Variants in MXI1 observed in about 807,000 individuals in gnomAD.
The protein encoded by MXI1 is max-interacting protein 1.
Under a neutral mutation model 36.9 loss-of-function variants are expected in MXI1, and 18 were observed. The ratio of observed to expected loss-of-function variants is 0.49; its 90% CI spans 0.34 to 0.72. MXI1 has a LOEUF of 0.72. MXI1 is among the 30% of genes least tolerant of loss of function. MXI1 has a pLI of 0.01. For synonymous variants in MXI1, 160 were observed against 146.7 expected (o/e 1.09, Z -0.65); for missense variants, 304 against 379.1 (o/e 0.80, Z 1.64).
At chr10:110,258,998 A>G (rs1354271872) in intron 3 of MXI1, among the ~76,000 whole-genome samples, 1 of 152,106 alleles carries the variant, frequency 6.6e-6, no homozygotes, top group Non-Finnish European at 1.5e-5. Context: ...CAATTCTACA[A>G]CTGATGTGTG....
At chr10:110,212,834 A>C (rs1209032606) in intron 1 of MXI1, among the ~76,000 whole-genome samples, 1 of 152,250 alleles carries the variant, frequency 6.6e-6, no homozygotes, top group Non-Finnish European at 1.5e-5. Flanking sequence ...TTTGATAATC[A>C]GTACCATGCA....
chr10:110,249,886 T>C (rs1856011358), intron 3 of MXI1, among the ~76,000 whole-genome samples: 1 of 152,178 alleles, frequency 6.6e-6, no homozygotes, highest in Admixed American at 6.6e-5. Context: ...GATTTTAAAT[T>C]GCTGGTGAAT....
intron 1 of MXI1, chr10:110,227,248 G>C: frequency 1.3e-6 from 1 of 760,692 alleles, no homozygotes; most frequent in Non-Finnish European, 1.5e-6. Flanking sequence ...GCGGGGGGGA[G>C]GGGCGTGTGC....
In MXI1 at chr10:110,286,895, A is replaced by G. The variant is rs1209347578; in HGVS notation, c.*1908A>G. 6.6e-6 allele frequency: 1 copy of G among 152,198 alleles called. No homozygotes were observed. Among genetic ancestry groups the G allele is most frequent in the Non-Finnish European group, 1.5e-5 (1 of 68,026 alleles). 9.4% of individuals were successfully genotyped at this position (152,198 alleles called of 1,614,324 possible). ...ACTTGCTACGTTTCAGGTGCTAGGG[A>G]CTTAATGAAAAACAGGACAAAACAA... On this transcript the variant is annotated 3_prime_UTR_variant, in exon 6 of 6. Transcript: ENST00000332674.
At chr10:110,235,265 C>G (rs1855415325) in intron 2 of MXI1, among the ~76,000 whole-genome samples, 1 of 152,064 alleles carries the variant, frequency 6.6e-6, no homozygotes, top group Non-Finnish European at 1.5e-5. Flanking sequence ...ATGATGTTTC[C>G]AAATGAGATA....
In MXI1 at chr10:110,216,665, G is replaced by GTTTTTTTTTTGTTTTTTTTTT. The variant is rs1854645560; in HGVS notation, c.274+8593_274+8594insGTTTTTTTTTTTTTTTTTTTT. 1.4e-3 allele frequency among the ~76,000 whole-genome samples: 111 copies of GTTTTTTTTTTGTTTTTTTTTT among 79,058 alleles called. 8 individuals carry two copies. Among genetic ancestry groups the GTTTTTTTTTTGTTTTTTTTTT allele is most frequent in the African/African-American group, 8.4e-3 (106 of 12,588 alleles). The allele number at this position is 79,058 out of a possible 152,430, so 51.9% of individuals were successfully genotyped here. On this transcript the variant is annotated intron_variant, in intron 1 of 5. Coordinates refer to ENST00000332674, the MANE Select transcript of MXI1 (RefSeq NM_130439.3). ...CCTGTCTCCCCTATCTGTGTTTAAT[G>GTTTTTTTTTTGTTTTTTTTTT]TTTTTTTTTTTTTTTTTTTTGGAGA...
intron 5 of MXI1, among the ~76,000 whole-genome samples, chr10:110,284,285 C>T (rs1043803111): frequency 1.3e-5 from 2 of 152,072 alleles, no homozygotes; most frequent in African/African-American, 4.8e-5. Context: ...TCAAACTCTA[C>T]TTTATAATGA....
chr10:110,280,159 G>A (rs1000523789), intron 5 of MXI1, 74 bp downstream of exon 5: 1 of 1,310,046 alleles, frequency 7.6e-7, no homozygotes. Flanking sequence ...TATGTTGGGA[G>A]GCACTGTATT....
At chr10:110,269,616 C>A (rs1020899167) in intron 3 of MXI1, among the ~76,000 whole-genome samples, 3 of 152,286 alleles carry the variant, frequency 2.0e-5, no homozygotes, top group East Asian at 3.9e-4. Flanking sequence ...AGACTTAATT[C>A]TTGCATTTTG....
intron 2 of MXI1, among the ~76,000 whole-genome samples, chr10:110,234,352 TGTG>T (rs1855382078): frequency 6.6e-6 from 1 of 152,182 alleles, no homozygotes; most frequent in Non-Finnish European, 1.5e-5. Flanking sequence ...CCATTTTTAG[TGTG>T]ATTGTATAGT....
At chr10:110,239,126 G>T (rs1023343570) in intron 2 of MXI1, among the ~76,000 whole-genome samples, 1 of 152,106 alleles carries the variant, frequency 6.6e-6, no homozygotes, top group Non-Finnish European at 1.5e-5. Context: ...AACGTTAGCA[G>T]TCTTGACATT....
rs1185802660 is a variant in MXI1 at position 110,228,041 on chromosome 10, C to T, written c.275-148C>T. ...ACAGGATTGATGTCCAGGCGAGGGA[C>T]ATTAATTTTCTAACCAAAAAGAGTG... On this transcript the variant is annotated intron_variant, in intron 1 of 5. Coordinates refer to ENST00000332674, the MANE Select transcript of MXI1 (RefSeq NM_130439.3). The T allele has an allele frequency of 1.1e-5, 9 of 821,586 alleles. No individual in the cohort carries two copies. The Admixed American group carries it at 2.2e-4, about 20-fold the overall frequency. 50.9% of individuals were successfully genotyped at this position (821,586 alleles called of 1,614,324 possible). A position where few individuals can be genotyped will look rare whatever the true frequency, so the allele number is the denominator to read the frequency against.
chr10:110,276,782 T>C (rs1007317889), intron 3 of MXI1, among the ~76,000 whole-genome samples: 1 of 152,120 alleles, frequency 6.6e-6, no homozygotes, highest in African/African-American at 2.4e-5. Context: ...GACTCACCTT[T>C]CTTTTCCTTG....
chr10:110,279,042 T>C (rs1369192264), intron 3 of MXI1, 138 bp from the exon 4 acceptor site: 2 of 625,516 alleles, frequency 3.2e-6, no homozygotes, highest in Non-Finnish European at 5.6e-6. Flanking sequence ...CTACATTCTT[T>C]GACAGTGGAG....
intron 3 of MXI1, among the ~76,000 whole-genome samples, chr10:110,276,551 C>T (rs866156363): frequency 1.3e-5 from 2 of 152,204 alleles, no homozygotes; most frequent in African/African-American, 4.8e-5. Context: ...TCAGTATGGA[C>T]CAAATGAAAC....
intron 1 of MXI1, chr10:110,226,444 G>C: frequency 1.6e-6 from 1 of 614,734 alleles, no homozygotes; most frequent in Non-Finnish European, 1.9e-6. Context: ...AGAGGAGCGC[G>C]CGTGTGTGGG....
At chr10:110,232,303 A>T (rs999573178) in intron 2 of MXI1, among the ~76,000 whole-genome samples, 1 of 152,028 alleles carries the variant, frequency 6.6e-6, no homozygotes, top group Non-Finnish European at 1.5e-5. Flanking sequence ...TGATTCCTTC[A>T]GTACGCGTTT....
chr10:110,286,093 G>A lies in MXI1; in HGVS notation c.*1106G>A, dbSNP rs1857420701. The A allele has an allele frequency of 6.6e-6, 1 of 152,516 alleles. No homozygotes were observed. Among genetic ancestry groups the A allele is most frequent in the Admixed American group, 6.5e-5 (1 of 15,282 alleles). 9.4% of individuals were successfully genotyped at this position (152,516 alleles called of 1,614,324 possible). On this transcript the variant is annotated 3_prime_UTR_variant, in exon 6 of 6. Transcript: ENST00000332674. ...ATGAGGTCTGGGCTAGGTAGAAAAA[G>A]GGTCAATGCTATTTTTGTTTTTAGA... is the stretch of plus-strand genomic sequence containing the variant.
chr10:110,218,226 G>A (rs372834396), intron 1 of MXI1, among the ~76,000 whole-genome samples: 13 of 152,182 alleles, frequency 8.5e-5, no homozygotes, highest in African/African-American at 2.2e-4. Context: ...CGAGGTGGGC[G>A]GATCACGAGG....
Sources: allele counts gnomAD v4.1 joint callset (sites outside exome capture counted in the v4.1 genomes callset), GRCh38; gene constraint gnomAD v4.1.1; transcripts MANE v1.5; gene names NCBI Gene and HGNC (gene_info 2026-07-23, HGNC 2026-07-21).